Variants in TCF12 observed in about 807,000 individuals in gnomAD.
TCF12 encodes transcription factor 12.
In TCF12, 45 loss-of-function variants were observed where a neutral mutation model predicts 86.0. That is an observed-to-expected ratio of 0.52 (90% CI 0.41 to 0.67). The LOEUF (loss-of-function observed/expected upper bound fraction) is 0.67. Among genes scored for constraint, TCF12 ranks in the 30% least tolerant of loss-of-function variants. The probability of loss-of-function intolerance (pLI) is 0.00; values close to 1 mark genes in which losing one functional copy is unlikely to be tolerated. For missense variants in TCF12, 881 were observed against 859.9 expected (o/e 1.02, Z -0.31); for synonymous variants, 330 against 299.6 (o/e 1.10, Z -1.05).
Position 57,275,366 on chromosome 15 carries a change from G to A in TCF12, c.1978+2104G>A, listed in dbSNP as rs1237146054. On this transcript the variant is annotated intron_variant, in intron 19 of 20. Coordinates refer to ENST00000333725, the MANE Select transcript of TCF12 (RefSeq NM_207037.2). The stretch of plus-strand genomic sequence containing the variant: ...TGTGTGTGTGTGTGTGTGTGTGTAC[G>A]TATGTAGAGATGGTCTCACTGTGTT... Among the ~76,000 whole-genome samples the A allele has an allele frequency of 4.7e-5, 7 of 148,212 alleles. No homozygotes were observed. In the South Asian group the frequency reaches 6.4e-4, roughly 14 times the overall value.
intron 3 of TCF12, among the ~76,000 whole-genome samples, chr15:57,054,935 C>G (rs1048437484): frequency 2.6e-5 from 4 of 151,798 alleles, no homozygotes; most frequent in African/African-American, 4.8e-5. Flanking sequence ...TTCCTTTATG[C>G]TATAGTTATC....
At chr15:57,209,180 C>T (rs1252018374) in intron 8 of TCF12, among the ~76,000 whole-genome samples, 1 of 152,166 alleles carries the variant, frequency 6.6e-6, no homozygotes, top group Admixed American at 6.5e-5. Context: ...CTAAGCTGTA[C>T]TTTTTAACTT....
intron 3 of TCF12, among the ~76,000 whole-genome samples, chr15:56,993,056 C>T (rs1201059459): frequency 2.6e-5 from 4 of 152,080 alleles, no homozygotes; most frequent in Non-Finnish European, 5.9e-5. Flanking sequence ...TGAAGACTAG[C>T]ATTCAGAATA....
At chr15:56,928,798 T>C (rs1338755908) in intron 3 of TCF12, among the ~76,000 whole-genome samples, 2 of 152,232 alleles carry the variant, frequency 1.3e-5, no homozygotes, top group African/African-American at 4.8e-5. Context: ...CTTGAAATTC[T>C]TTCTGGAGTG....
intron 5 of TCF12, among the ~76,000 whole-genome samples, chr15:57,148,583 T>G (rs1019691533): frequency 1.3e-5 from 2 of 150,676 alleles, no homozygotes; most frequent in Non-Finnish European, 2.9e-5. Context: ...AATTGTTTTT[T>G]CAAAAAATGC....
intron 5 of TCF12, among the ~76,000 whole-genome samples, chr15:57,155,736 C>T (rs1048034497): frequency 1.2e-4 from 19 of 152,190 alleles, no homozygotes; most frequent in African/African-American, 4.3e-4. Context: ...GGCTATCGAG[C>T]GCCACTGCAT....
intron 3 of TCF12, among the ~76,000 whole-genome samples, chr15:56,968,013 T>A (rs1289006150): frequency 6.6e-6 from 1 of 152,138 alleles, no homozygotes; most frequent in Non-Finnish European, 1.5e-5. Context: ...TGGAGTGCAG[T>A]GGTGCGATCT....
chr15:57,219,459 G>C (rs1184310509), intron 8 of TCF12: 1 of 1,569,726 alleles, frequency 6.4e-7, no homozygotes, highest in Non-Finnish European at 8.7e-7. Flanking sequence ...TGCCTGTGTG[G>C]ATATATGTCT....
chr15:57,141,457 C>T (rs1341496414), intron 5 of TCF12, among the ~76,000 whole-genome samples: 1 of 152,204 alleles, frequency 6.6e-6, no homozygotes, highest in African/African-American at 2.4e-5. Flanking sequence ...TCAAGTGATT[C>T]TCCTGCCTCA....
rs566229309 is a variant in TCF12, at chr15:57,134,949, C to G, written c.326-31453C>G. On this transcript the variant is annotated intron_variant, in intron 5 of 20. Transcript: ENST00000333725. ...CCTCCTCCTTTTCCTGTACTGTTTC[C>G]TGTTTTTGTCATGGATATTAACTGA... 4.0e-5 allele frequency among the ~76,000 whole-genome samples: 6 copies of G among 151,564 alleles called. No individual in the cohort carries two copies. In the East Asian group the frequency reaches 9.6e-4, roughly 24 times the overall value.
intron 3 of TCF12, among the ~76,000 whole-genome samples, chr15:56,925,781 G>C (rs557091597): frequency 6.6e-6 from 1 of 152,318 alleles, no homozygotes; most frequent in South Asian, 2.1e-4. Context: ...TCACTTGAAA[G>C]TATGTTTATG....
At chr15:57,247,353 C>T in intron 13 of TCF12, 1 of 657,034 alleles carries the variant, frequency 1.5e-6, no homozygotes. Context: ...CCAAAACTAC[C>T]TCTACCACCT....
At chr15:57,134,126 C>T (rs1567490211) in intron 5 of TCF12, among the ~76,000 whole-genome samples, 1 of 152,032 alleles carries the variant, frequency 6.6e-6, no homozygotes, top group African/African-American at 2.4e-5. Context: ...TTAAAAGATT[C>T]TATAGTTATA....
rs138748401 is a variant in TCF12 at position 57,217,008 on chromosome 15, T to G, written c.580-14144T>G. 1.6e-3 allele frequency among the ~76,000 whole-genome samples: 237 copies of G among 152,248 alleles called. 1 individual carries two copies. Among genetic ancestry groups the G allele is most frequent in the African/African-American group, 5.5e-3 (228 of 41,554 alleles). ...GGCATAGAGTTTTGTTGTTGTTGTT[T>G]TTTTAAGTTTTTATATCTATGCTCA... On this transcript the variant is annotated intron_variant, in intron 8 of 20. Coordinates refer to ENST00000333725, the MANE Select transcript of TCF12 (RefSeq NM_207037.2).
intron 4 of TCF12, among the ~76,000 whole-genome samples, chr15:57,086,359 C>T (rs2151087300): frequency 6.6e-6 from 1 of 151,606 alleles, no homozygotes; most frequent in South Asian, 2.1e-4. Context: ...TTCTTATTAC[C>T]ATCATCTACA....
At chr15:57,264,926 C>T (rs574425222) in intron 18 of TCF12, among the ~76,000 whole-genome samples, 2 of 152,058 alleles carry the variant, frequency 1.3e-5, no homozygotes, top group African/African-American at 2.4e-5. Context: ...GATGGGATTT[C>T]GCCATGTTGG....
intron 8 of TCF12, among the ~76,000 whole-genome samples, chr15:57,207,864 CTT>C (rs1405645718): frequency 1.3e-4 from 20 of 151,842 alleles, no homozygotes; most frequent in African/African-American, 3.9e-4. Flanking sequence ...ATTTAGAAAA[CTT>C]ATTTGCTACT....
At chr15:57,244,686 C>G (rs182185326) in intron 13 of TCF12, among the ~76,000 whole-genome samples, 2 of 152,000 alleles carry the variant, frequency 1.3e-5, no homozygotes, top group South Asian at 2.1e-4. Context: ...GTCTTGAACT[C>G]GTGACTTCAA....
intron 19 of TCF12, among the ~76,000 whole-genome samples, chr15:57,274,305 A>G (rs2061279625): frequency 6.6e-6 from 1 of 152,240 alleles, no homozygotes; most frequent in Non-Finnish European, 1.5e-5. Flanking sequence ...AAATATATAC[A>G]GTAGTAGTTA....
Sources: allele counts gnomAD v4.1 joint callset (sites outside exome capture counted in the v4.1 genomes callset), GRCh38; gene constraint gnomAD v4.1.1; transcripts MANE v1.5; gene names NCBI Gene and HGNC (gene_info 2026-07-23, HGNC 2026-07-21).